The following CLSTN2 variants were observed in gnomAD, a reference collection of about 807,000 sequenced individuals.
CLSTN2 encodes calsyntenin 2.
CLSTN2 carries 48 observed loss-of-function variants against 101.2 expected under a neutral mutation model. The observed-to-expected ratio is 0.47, with a 90% CI of 0.38 to 0.60. The LOEUF (loss-of-function observed/expected upper bound fraction) is 0.60. Among genes scored for constraint, CLSTN2 ranks in the 20% least tolerant of loss-of-function variants. The pLI is 0.00. For missense variants in CLSTN2, 1,160 were observed against 1,238.2 expected (o/e 0.94, Z 0.95); for synonymous variants, 481 against 463.6 (o/e 1.04, Z -0.48).
intron 1 of CLSTN2, among the ~76,000 whole-genome samples, chr3:140,047,775 A>G (rs2007909747): frequency 6.6e-6 from 1 of 152,180 alleles, no homozygotes; most frequent in Admixed American, 6.5e-5. Flanking sequence ...TGTTCCCACC[A>G]TAACCCATTA....
intron 2 of CLSTN2, among the ~76,000 whole-genome samples, chr3:140,260,887 C>T (rs2086645165): frequency 6.6e-6 from 1 of 151,986 alleles, no homozygotes; most frequent in Non-Finnish European, 1.5e-5. Flanking sequence ...TAGGGTGTCC[C>T]TTATTGGAAT....
At chr3:140,375,432 A>C (rs1170334433) in intron 2 of CLSTN2, among the ~76,000 whole-genome samples, 1 of 152,210 alleles carries the variant, frequency 6.6e-6, no homozygotes, top group African/African-American at 2.4e-5. Flanking sequence ...AGGCCATGAC[A>C]GTTTTTATTC....
chr3:139,989,718 A>T (rs570389936), intron 1 of CLSTN2, among the ~76,000 whole-genome samples: 1 of 152,200 alleles, frequency 6.6e-6, no homozygotes, highest in Non-Finnish European at 1.5e-5. Context: ...TCAAATGGCA[A>T]GCACCTCTAC....
intron 2 of CLSTN2, among the ~76,000 whole-genome samples, chr3:140,227,839 C>T (rs1334260681): frequency 6.6e-6 from 1 of 152,186 alleles, no homozygotes; most frequent in Admixed American, 6.5e-5. Flanking sequence ...CTGAGCTGTA[C>T]CTTGGCCCCT....
intron 2 of CLSTN2, among the ~76,000 whole-genome samples, chr3:140,309,934 G>A (rs1042960122): frequency 6.6e-6 from 1 of 152,072 alleles, no homozygotes; most frequent in Non-Finnish European, 1.5e-5. Context: ...GTTTTGTCAG[G>A]ACTGACATTT....
intron 1 of CLSTN2, among the ~76,000 whole-genome samples, chr3:140,140,922 A>G (rs925332427): frequency 6.6e-5 from 10 of 152,134 alleles, no homozygotes; most frequent in Admixed American, 2.6e-4. Context: ...TACATAAAAT[A>G]TTTTTTATGG....
chr3:140,051,363 G>C (rs1190007611), intron 1 of CLSTN2, among the ~76,000 whole-genome samples: 1 of 152,174 alleles, frequency 6.6e-6, no homozygotes, highest in African/African-American at 2.4e-5. Context: ...AGACTTTTAT[G>C]GAGCCCATTA....
rs189554979 is a variant in CLSTN2, at chr3:140,167,808, C to T, written c.110-8143C>T. ...TGAATGGCATCAAATAGCATGCAGT[C>T]TTTTTTGTCTGACTTATTTCACTTC... is the stretch of plus-strand genomic sequence containing the variant. On this transcript the variant is annotated intron_variant, in intron 1 of 16. Transcript: ENST00000458420. Among the ~76,000 whole-genome samples, 225 of 152,224 alleles carry T rather than the reference C, an allele frequency of 1.5e-3. 1 individual carries two copies. Among genetic ancestry groups the T allele is most frequent in the African/African-American group, 5.3e-3 (220 of 41,542 alleles).
At chr3:140,472,709 TTCTCTC>T (rs1933879521) in intron 8 of CLSTN2, among the ~76,000 whole-genome samples, 1 of 150,730 alleles carries the variant, frequency 6.6e-6, no homozygotes, top group African/African-American at 2.4e-5. Flanking sequence ...TGTCTTTTTT[TTCTCTC>T]TCTCTTTCAG....
At chr3:140,409,775 A>G (rs1041737128) in intron 4 of CLSTN2, among the ~76,000 whole-genome samples, 1 of 152,180 alleles carries the variant, frequency 6.6e-6, no homozygotes, top group Admixed American at 6.5e-5. Context: ...AGTGATCTAC[A>G]AGAGAACACA....
At chr3:140,445,637 G>A (rs2108006893) in intron 5 of CLSTN2, among the ~76,000 whole-genome samples, 1 of 152,312 alleles carries the variant, frequency 6.6e-6, no homozygotes, top group African/African-American at 2.4e-5. Context: ...GGGATAGATG[G>A]TCCAGCAGGA....
At chr3:140,319,675 T>C (rs1390379161) in intron 2 of CLSTN2, among the ~76,000 whole-genome samples, 1 of 152,170 alleles carries the variant, frequency 6.6e-6, no homozygotes, top group African/African-American at 2.4e-5. Flanking sequence ...GATAAGAGGT[T>C]TGTCAGGAAT....
At chr3:140,117,224 T>C (rs2009259764) in intron 1 of CLSTN2, among the ~76,000 whole-genome samples, 1 of 152,176 alleles carries the variant, frequency 6.6e-6, no homozygotes, top group South Asian at 2.1e-4. Flanking sequence ...CCCGCCGTGG[T>C]TGCCTCTCTG....
intron 2 of CLSTN2, among the ~76,000 whole-genome samples, chr3:140,287,467 G>T (rs1353398153): frequency 1.3e-5 from 2 of 152,142 alleles, no homozygotes; most frequent in Admixed American, 1.3e-4. Flanking sequence ...TGATTTCACT[G>T]TATATACACT....
chr3:140,437,356 C>T (rs347341), intron 5 of CLSTN2, among the ~76,000 whole-genome samples: 100,732 of 152,090 alleles, frequency 0.66, 35,255 homozygotes, highest in East Asian at 0.92. Flanking sequence ...CCAGGAGGTT[C>T]GGTTAATAAC....
At chr3:139,980,041 A>G (rs1935888602) in intron 1 of CLSTN2, among the ~76,000 whole-genome samples, 1 of 151,962 alleles carries the variant, frequency 6.6e-6, no homozygotes, top group Admixed American at 6.6e-5. Flanking sequence ...TAACTTCTAC[A>G]CCTGTTTAGT....
rs1406274496 is a variant in CLSTN2, at chr3:140,459,663, C to T, written c.1116C>T (p.Pro372=). The T allele has an allele frequency of 3.1e-6, 5 of 1,614,014 alleles. No homozygotes were observed. In the African/African-American group the frequency reaches 5.3e-5, roughly 17 times the overall value. The change falls in exon 7 of 17, where the codon CCC becomes CCT. Residue 372 remains proline, a synonymous_variant. Transcript: ENST00000458420. The part of the protein sequence containing the change: ...QGAKVPDGIV[P]KNLTDQFTIT... Reference sequence around the variant, plus strand: ...CCAAAGTCCCCGATGGGATTGTGCCCAAGAACCTGACCGATCAGTTCACCA... The same window carrying T: ...CCAAAGTCCCCGATGGGATTGTGCCTAAGAACCTGACCGATCAGTTCACCA...
At chr3:140,533,554 CA>C (rs369523170) in intron 9 of CLSTN2, among the ~76,000 whole-genome samples, 36,786 of 151,356 alleles carry the variant, frequency 0.24, 6,068 homozygotes, top group African/African-American at 0.46. Flanking sequence ...CTAAAAAATA[CA>C]AAAAAATTAG....
chr3:140,481,323 A>G (rs957169774), intron 8 of CLSTN2, among the ~76,000 whole-genome samples: 6 of 152,218 alleles, frequency 3.9e-5, no homozygotes, highest in Non-Finnish European at 8.8e-5. Flanking sequence ...TTTTGGTACC[A>G]GTACCATGCT....
Sources: allele counts gnomAD v4.1 joint callset (sites outside exome capture counted in the v4.1 genomes callset), GRCh38; gene constraint gnomAD v4.1.1; transcripts MANE v1.5; gene names NCBI Gene and HGNC (gene_info 2026-07-23, HGNC 2026-07-21).